The following HIBADH variants were observed in gnomAD, a reference collection of about 807,000 sequenced individuals.
HIBADH encodes 3-hydroxyisobutyrate dehydrogenase.
In HIBADH, 25 loss-of-function variants were observed where a neutral mutation model predicts 36.1. The ratio of observed to expected loss-of-function variants is 0.69; its 90% confidence interval spans 0.50 to 0.97. HIBADH has a LOEUF of 0.97. Among genes scored for constraint, HIBADH ranks in the 50% least tolerant of loss-of-function variants. The pLI, the probability that HIBADH is intolerant of heterozygous loss-of-function variation, is 0.00. For synonymous variants in HIBADH, 160 were observed against 149.5 expected (o/e 1.07, Z -0.51); for missense variants, 421 against 418.0 (o/e 1.01, Z -0.06).
chr7:27,542,860 G>T (rs1784175834), intron 5 of HIBADH, 107 bp downstream of exon 5: 4 of 1,209,846 alleles, frequency 3.3e-6, no homozygotes, highest in Non-Finnish European at 4.6e-6. Context: ...TCTGAGCAAA[G>T]AATCCATAGG....
intron 1 of HIBADH, among the ~76,000 whole-genome samples, chr7:27,659,124 T>C (rs1281398116): frequency 1.3e-5 from 2 of 152,206 alleles, no homozygotes; most frequent in Admixed American, 1.3e-4. Flanking sequence ...ATATTAAAAA[T>C]TGTATTCCTG....
intron 1 of HIBADH, among the ~76,000 whole-genome samples, chr7:27,651,149 C>G (rs978161251): frequency 5.3e-5 from 8 of 152,174 alleles, no homozygotes; most frequent in African/African-American, 1.4e-4. Flanking sequence ...TGAACTTAAT[C>G]TGCTCTTCCC....
intron 4 of HIBADH, among the ~76,000 whole-genome samples, chr7:27,573,116 G>A (rs1159780825): frequency 6.6e-6 from 1 of 152,138 alleles, no homozygotes; most frequent in East Asian, 1.9e-4. Context: ...AAAAAGTAGG[G>A]AATTTGTGCA....
intron 4 of HIBADH, among the ~76,000 whole-genome samples, chr7:27,593,496 T>C (rs145236029): frequency 1.0e-3 from 153 of 151,282 alleles, no homozygotes; most frequent in African/African-American, 3.6e-3. Context: ...AACATACATT[T>C]AAAAAAAAAG....
At chr7:27,624,056 C>T (rs1427849641) in intron 4 of HIBADH, among the ~76,000 whole-genome samples, 2 of 152,158 alleles carry the variant, frequency 1.3e-5, no homozygotes, top group Non-Finnish European at 2.9e-5. Context: ...CCTTGGCTTC[C>T]CAAAGTGCTG....
At chr7:27,628,584 C>T (rs775507544) in intron 4 of HIBADH, among the ~76,000 whole-genome samples, 57 of 152,134 alleles carry the variant, frequency 3.7e-4, no homozygotes, top group Non-Finnish European at 6.6e-4. Context: ...AAATTTTTAG[C>T]ATTTCATTAG....
intron 4 of HIBADH, among the ~76,000 whole-genome samples, chr7:27,620,313 T>A (rs1218389612): frequency 6.6e-6 from 1 of 152,118 alleles, no homozygotes; most frequent in Non-Finnish European, 1.5e-5. Context: ...GACTGAGACC[T>A]TGTTTCTAAT....
At chr7:27,531,473 G>T in intron 6 of HIBADH, 125 bp from the exon 7 acceptor site, 1 of 848,016 alleles carries the variant, frequency 1.2e-6, no homozygotes, top group South Asian at 2.4e-5. Context: ...AATCTAAGCA[G>T]GTTGATACGA....
intron 2 of HIBADH, among the ~76,000 whole-genome samples, chr7:27,644,675 G>A (rs1477563612): frequency 6.6e-6 from 1 of 150,732 alleles, no homozygotes; most frequent in Non-Finnish European, 1.5e-5. Flanking sequence ...TGAGGCAGAA[G>A]AATCACTCGA....
chr7:27,625,673 T>C (rs1227401603), intron 4 of HIBADH, among the ~76,000 whole-genome samples: 1 of 152,162 alleles, frequency 6.6e-6, no homozygotes, highest in East Asian at 1.9e-4. Flanking sequence ...ATTTTATAAA[T>C]ATGTTGCACA....
intron 3 of HIBADH, among the ~76,000 whole-genome samples, chr7:27,629,763 T>C (rs1398878081): frequency 6.6e-6 from 1 of 152,162 alleles, no homozygotes; most frequent in African/African-American, 2.4e-5. Context: ...TGATTTCAGA[T>C]GAACTACACA....
intron 3 of HIBADH, 71 bp downstream of exon 3, chr7:27,632,265 C>T (rs1785759722): frequency 2.0e-6 from 2 of 990,348 alleles, no homozygotes; most frequent in African/African-American, 3.2e-5. Context: ...TTGTAATTTC[C>T]TAATAGTTCT....
At chr7:27,644,633 C>T (rs1274661712) in intron 2 of HIBADH, among the ~76,000 whole-genome samples, 9 of 147,732 alleles carry the variant, frequency 6.1e-5, no homozygotes, top group Admixed American at 4.1e-4. Flanking sequence ...GGCGTGGTGG[C>T]GCGTGCCTGT....
chr7:27,631,428 TAC>T (rs1562652010), intron 3 of HIBADH, among the ~76,000 whole-genome samples: 1 of 152,244 alleles, frequency 6.6e-6, no homozygotes, highest in African/African-American at 2.4e-5. Context: ...TTTCACATAT[TAC>T]AGTTTCCTGA....
chr7:27,545,706 CAT>C (rs1784227772), intron 4 of HIBADH, among the ~76,000 whole-genome samples: 1 of 152,138 alleles, frequency 6.6e-6, no homozygotes, highest in African/African-American at 2.4e-5. Context: ...ACTTATTTTA[CAT>C]ATATTTTATT....
intron 4 of HIBADH, among the ~76,000 whole-genome samples, chr7:27,615,911 C>T (rs762908824): frequency 6.6e-6 from 1 of 152,120 alleles, no homozygotes; most frequent in African/African-American, 2.4e-5. Flanking sequence ...AAGACCTTTC[C>T]AGTGAGACAA....
intron 4 of HIBADH, among the ~76,000 whole-genome samples, chr7:27,578,532 G>C (rs1333779614): frequency 1.3e-5 from 2 of 152,088 alleles, no homozygotes; most frequent in African/African-American, 4.8e-5. Flanking sequence ...GCCTAGGCTA[G>C]TCTCAAACTC....
At chr7:27,642,043 C>T (rs1444623282) in intron 2 of HIBADH, among the ~76,000 whole-genome samples, 1 of 152,148 alleles carries the variant, frequency 6.6e-6, no homozygotes, top group Non-Finnish European at 1.5e-5. Context: ...CAACTGTGCA[C>T]AAGAAGCTAA....
intron 2 of HIBADH, among the ~76,000 whole-genome samples, chr7:27,644,762 T>A (rs913182620): frequency 1.7e-4 from 24 of 142,450 alleles, no homozygotes; most frequent in African/African-American, 6.2e-4. Flanking sequence ...AGACTCCATT[T>A]AAAAAAAAAA....
Sources: gnomAD v4.1 joint callset for allele counts (sites outside exome capture counted in the v4.1 genomes callset) on GRCh38, gnomAD v4.1.1 for gene constraint, MANE v1.5 for transcripts, NCBI Gene and HGNC (gene_info 2026-07-23, HGNC 2026-07-21) for gene names.